Variants in IP6K1 observed in about 807,000 individuals in gnomAD.
IP6K1 encodes inositol hexakisphosphate kinase 1, also known as ATP:1D-myo-inositol-hexakisphosphate phosphotransferase.
Under a neutral mutation model 38.3 loss-of-function variants are expected in IP6K1, and 13 were observed. The observed-to-expected ratio is 0.34, with a 90% confidence interval of 0.22 to 0.54. IP6K1 has a LOEUF of 0.54. Among genes scored for constraint, IP6K1 ranks in the 20% least tolerant of loss-of-function variants. IP6K1 has a pLI of 0.92. For missense variants in IP6K1, 397 were observed against 599.8 expected (o/e 0.66, Z 3.53); for synonymous variants, 212 against 229.9 (o/e 0.92, Z 0.70).
intron 1 of IP6K1, among the ~76,000 whole-genome samples, chr3:49,755,641 A>C (rs755668831): frequency 2.6e-5 from 4 of 152,230 alleles, no homozygotes; most frequent in African/African-American, 4.8e-5. Context: ...GAAAAGAACA[A>C]CACATAAAAC....
intron 1 of IP6K1, among the ~76,000 whole-genome samples, chr3:49,762,698 A>G (rs1327876671): frequency 6.6e-6 from 1 of 152,140 alleles, no homozygotes; most frequent in African/African-American, 2.4e-5. Flanking sequence ...AGAAATATCA[A>G]TCTTACATAA....
At chr3:49,781,858 G>T (rs1193819479) in intron 1 of IP6K1, among the ~76,000 whole-genome samples, 3 of 151,822 alleles carry the variant, frequency 2.0e-5, no homozygotes, top group African/African-American at 7.3e-5. Flanking sequence ...CGAGGTGGGA[G>T]GATCACTCAA....
At chr3:49,733,352 T>C (rs1254090205) in intron 3 of IP6K1, among the ~76,000 whole-genome samples, 3 of 152,140 alleles carry the variant, frequency 2.0e-5, no homozygotes, top group African/African-American at 7.2e-5. Context: ...ACCAAACAGT[T>C]TGGTGGTTTC....
At chr3:49,733,985 C>T (rs1486668865) in intron 3 of IP6K1, among the ~76,000 whole-genome samples, 1 of 152,028 alleles carries the variant, frequency 6.6e-6, no homozygotes, top group East Asian at 1.9e-4. Context: ...TAAAAATTAG[C>T]TGGGCATGGT....
chr3:49,728,525 G>T, intron 4 of IP6K1: 1 of 408,836 alleles, frequency 2.4e-6, no homozygotes, highest in Non-Finnish European at 4.4e-6. Context: ...CATTTACTTT[G>T]TTGTATAACC....
At chr3:49,734,515 A>C (rs985022926) in intron 3 of IP6K1, among the ~76,000 whole-genome samples, 8 of 149,328 alleles carry the variant, frequency 5.4e-5, no homozygotes, top group Non-Finnish European at 8.9e-5. Context: ...TAAGTCGCAC[A>C]GATTCAAGCT....
At chr3:49,778,325 CAAA>C (rs1369186483) in intron 1 of IP6K1, among the ~76,000 whole-genome samples, 3 of 107,756 alleles carry the variant, frequency 2.8e-5, no homozygotes, top group Non-Finnish European at 1.9e-5. Flanking sequence ...GACTCGGTCT[CAAA>C]AAAAAAAAAA....
At chr3:49,735,803 G>A (rs35261599) in intron 3 of IP6K1, among the ~76,000 whole-genome samples, 79,607 of 152,062 alleles carry the variant, frequency 0.52, 21,765 homozygotes, top group East Asian at 0.82. Context: ...CAGGGGCACA[G>A]GTATGTAGCA....
rs1179132345 is a variant in IP6K1 at position 49,748,187 on chromosome 3, G to A, written c.-128-19C>T. 5 of 811,046 alleles carry A rather than the reference G, an allele frequency of 6.2e-6. No individual in the cohort carries two copies. Among genetic ancestry groups the A allele is most frequent in the African/African-American group, 1.7e-5 (1 of 58,186 alleles). The allele number at this position is 811,046 out of a possible 1,614,324, so 50.2% of individuals were successfully genotyped here. A position where few individuals can be genotyped will look rare whatever the true frequency, so the allele number is the denominator to read the frequency against. ...TTCTGTCCTACAGAAAAGAAGAGAG[G>A]AAGAAGGAATCAAAACACTGGGTGA... On this transcript the variant is annotated intron_variant, in intron 1 of 5. Coordinates refer to ENST00000321599, the MANE Select transcript of IP6K1 (RefSeq NM_153273.4).
At chr3:49,772,510 C>G (rs1177322367) in intron 1 of IP6K1, among the ~76,000 whole-genome samples, 1 of 151,806 alleles carries the variant, frequency 6.6e-6, no homozygotes, top group Non-Finnish European at 1.5e-5. Context: ...TCAAGCAATC[C>G]TCCCATCTCA....
intron 1 of IP6K1, among the ~76,000 whole-genome samples, chr3:49,763,645 G>A (rs1011617804): frequency 6.6e-6 from 1 of 151,996 alleles, no homozygotes; most frequent in Non-Finnish European, 1.5e-5. Flanking sequence ...GAAATAAGGA[G>A]AAAAGCCATA....
intron 4 of IP6K1, 150 bp from the exon 5 acceptor site, chr3:49,728,428 T>G (rs2080531525): frequency 1.5e-6 from 1 of 665,128 alleles, no homozygotes; most frequent in Non-Finnish European, 2.6e-6. Flanking sequence ...ACCACTGGCT[T>G]ATTACTTAAC....
intron 1 of IP6K1, among the ~76,000 whole-genome samples, chr3:49,767,256 T>C (rs2080919943): frequency 1.3e-5 from 2 of 151,924 alleles, no homozygotes; most frequent in African/African-American, 2.4e-5. Flanking sequence ...CCAGCCTGGG[T>C]GACAGGATGA....
chr3:49,775,835 A>C (rs1024140183), intron 1 of IP6K1, among the ~76,000 whole-genome samples: 3 of 152,012 alleles, frequency 2.0e-5, no homozygotes, highest in African/African-American at 7.2e-5. Flanking sequence ...ATTGGAGAAA[A>C]ATTGATAGAT....
intron 1 of IP6K1, among the ~76,000 whole-genome samples, chr3:49,780,914 A>C (rs2081059877): frequency 1.3e-5 from 2 of 152,182 alleles, no homozygotes; most frequent in Non-Finnish European, 2.9e-5. Flanking sequence ...GTTTAATTAC[A>C]AAAGGTGTTT....
chr3:49,735,108 G>T (rs1025673677), intron 3 of IP6K1, among the ~76,000 whole-genome samples: 1 of 152,148 alleles, frequency 6.6e-6, no homozygotes, highest in African/African-American at 2.4e-5. Flanking sequence ...TAATCCTTAC[G>T]CTTTGGGAGG....
At chr3:49,747,193 A>G (rs1370421200) in intron 2 of IP6K1, among the ~76,000 whole-genome samples, 1 of 149,846 alleles carries the variant, frequency 6.7e-6, no homozygotes, top group Non-Finnish European at 1.5e-5. Flanking sequence ...AGCAGAATGT[A>G]AAAAAAAAAC....
At chr3:49,774,407 C>CAAAAAAAAAAAAAAA (rs777187857) in intron 1 of IP6K1, among the ~76,000 whole-genome samples, 6 of 44,252 alleles carry the variant, frequency 1.4e-4, no homozygotes, top group Admixed American at 3.2e-4. Flanking sequence ...GACTCCATCT[C>CAAAAAAAAAAAAAAA]AAAAAAAAAA....
chr3:49,765,119 G>GA (rs1479212224), intron 1 of IP6K1, among the ~76,000 whole-genome samples: 2 of 152,040 alleles, frequency 1.3e-5, no homozygotes, highest in Admixed American at 6.6e-5. Flanking sequence ...AGTCCTAAAG[G>GA]AAAATACTGT....
Sources: gnomAD v4.1 joint callset for allele counts (sites outside exome capture counted in the v4.1 genomes callset) on GRCh38, gnomAD v4.1.1 for gene constraint, MANE v1.5 for transcripts, NCBI Gene and HGNC (gene_info 2026-07-23, HGNC 2026-07-21) for gene names.